NKAIN2: variants seen among roughly 807,000 people sequenced by gnomAD.
NKAIN2 encodes the protein sodium/potassium transporting ATPase interacting 2.
A neutral mutation model predicts 32.6 loss-of-function variants in NKAIN2; 14 were observed. The observed-to-expected ratio is 0.43, with a 90% CI of 0.28 to 0.67. NKAIN2 has a LOEUF of 0.67. NKAIN2 is among the 30% of genes least tolerant of loss of function. The pLI is 0.17. For synonymous variants in NKAIN2, 80 were observed against 87.2 expected (o/e 0.92, Z 0.46); for missense variants, 198 against 258.3 (o/e 0.77, Z 1.60).
chr6:124,594,362 T>A (rs1782010953), intron 3 of NKAIN2, among the ~76,000 whole-genome samples: 1 of 152,134 alleles, frequency 6.6e-6, no homozygotes, highest in Non-Finnish European at 1.5e-5. Context: ...TGATGAAACT[T>A]GGTAGACAGA....
At chr6:124,591,412 T>C (rs1017676669) in intron 3 of NKAIN2, among the ~76,000 whole-genome samples, 3 of 152,028 alleles carry the variant, frequency 2.0e-5, no homozygotes, top group Admixed American at 6.6e-5. Context: ...AAAATATGGA[T>C]TGAGAAACTG....
chr6:124,396,735 T>C (rs1218050544), intron 3 of NKAIN2, among the ~76,000 whole-genome samples: 2 of 152,176 alleles, frequency 1.3e-5, no homozygotes, highest in Non-Finnish European at 2.9e-5. Context: ...TAGAATTATG[T>C]GTGGGAGAGT....
chr6:124,215,686 G>T (rs752474287), intron 1 of NKAIN2, among the ~76,000 whole-genome samples: 1 of 152,064 alleles, frequency 6.6e-6, no homozygotes, highest in Non-Finnish European at 1.5e-5. Flanking sequence ...TGTGATAAAG[G>T]TGCCCTCACA....
Position 123,938,399 on chromosome 6 carries a change from TATATATATATATA to T in NKAIN2, c.54+134146_54+134158del, listed in dbSNP as rs1562267180. 7.9e-3 allele frequency among the ~76,000 whole-genome samples: 13 copies of T among 1,636 alleles called. No individual in the cohort carries two copies. The East Asian group carries it at 0.12, about 16-fold the overall frequency. 1.1% of individuals were successfully genotyped at this position (1,636 alleles called of 152,430 possible). ...AACCAGAACTCATTTGCAAGGGTTA[TATATATATATATA>T]TATATATATATATATATATATATAT... On this transcript the variant is annotated intron_variant, in intron 1 of 6. Transcript: ENST00000368417.
chr6:124,333,025 T>C (rs1490351179), intron 2 of NKAIN2, among the ~76,000 whole-genome samples: 2 of 152,136 alleles, frequency 1.3e-5, no homozygotes, highest in Non-Finnish European at 2.9e-5. Flanking sequence ...TAAATAAATA[T>C]TATTAACAAT....
chr6:123,931,616 A>G (rs371516772), intron 1 of NKAIN2, among the ~76,000 whole-genome samples: 1 of 152,028 alleles, frequency 6.6e-6, no homozygotes, highest in Non-Finnish European at 1.5e-5. Flanking sequence ...ACATTTCTTC[A>G]TGCTTCATCA....
chr6:124,605,284 AG>A (rs1480908255), intron 3 of NKAIN2, among the ~76,000 whole-genome samples: 1 of 152,042 alleles, frequency 6.6e-6, no homozygotes, highest in African/African-American at 2.4e-5. Flanking sequence ...GAGTTGTAAG[AG>A]GCATGATTAA....
At chr6:124,677,548 T>G (rs1021126607) in intron 4 of NKAIN2, among the ~76,000 whole-genome samples, 7 of 152,198 alleles carry the variant, frequency 4.6e-5, no homozygotes, top group Non-Finnish European at 7.3e-5. Flanking sequence ...AAACATCATA[T>G]AGGTAAAACA....
rs1023119890 is a variant in NKAIN2, at chr6:123,860,117, T to G, written c.54+55863T>G. Reference sequence around the variant, plus strand: ...GTGGAAGCACTTCTACTTGAAGCACTGAAAACACATCTACTCTCTAAAAGT... The same window carrying G: ...GTGGAAGCACTTCTACTTGAAGCACGGAAAACACATCTACTCTCTAAAAGT... On this transcript the variant is annotated intron_variant, in intron 1 of 6. Transcript: ENST00000368417. Among the ~76,000 whole-genome samples the G allele has an allele frequency of 3.3e-5, 5 of 152,172 alleles. No homozygotes were observed. In the East Asian group the frequency reaches 5.8e-4, roughly 18 times the overall value.
intron 1 of NKAIN2, among the ~76,000 whole-genome samples, chr6:124,060,191 A>G (rs1782861635): frequency 6.6e-6 from 1 of 152,130 alleles, no homozygotes; most frequent in Non-Finnish European, 1.5e-5. Flanking sequence ...GACAATCACA[A>G]TCACATTTGG....
chr6:124,100,658 C>G (rs996260160), intron 1 of NKAIN2, among the ~76,000 whole-genome samples: 1 of 152,192 alleles, frequency 6.6e-6, no homozygotes, highest in African/African-American at 2.4e-5. Context: ...ACATCTCTTG[C>G]TGCAATATGG....
chr6:124,529,641 G>A (rs1182335665), intron 3 of NKAIN2, among the ~76,000 whole-genome samples: 1 of 152,142 alleles, frequency 6.6e-6, no homozygotes, highest in Non-Finnish European at 1.5e-5. Flanking sequence ...CACCTGGCCC[G>A]AGGCTTAGGA....
In NKAIN2 at chr6:124,406,102, A is replaced by C. The variant is rs1194907741; in HGVS notation, c.273+50755A>C. On this transcript the variant is annotated intron_variant, in intron 3 of 6. Coordinates refer to ENST00000368417, the MANE Select transcript of NKAIN2 (RefSeq NM_001040214.3). ...ATAATTAACATACAATAAACTGTAC[A>C]TAAAGTGTAAAATTTGGTAAGTTTT... Among the ~76,000 whole-genome samples the C allele has an allele frequency of 2.6e-5, 4 of 152,064 alleles. 1 individual carries two copies. Among genetic ancestry groups the C allele is most frequent in the Admixed American group, 2.6e-4 (4 of 15,244 alleles).
At chr6:123,885,705 G>A (rs924960033) in intron 1 of NKAIN2, among the ~76,000 whole-genome samples, 22 of 151,976 alleles carry the variant, frequency 1.4e-4, no homozygotes, top group Non-Finnish European at 3.1e-4. Flanking sequence ...GAATTAGTGA[G>A]CTATATAAAA....
At chr6:123,864,301 A>G (rs1054490100) in intron 1 of NKAIN2, among the ~76,000 whole-genome samples, 2 of 152,192 alleles carry the variant, frequency 1.3e-5, no homozygotes. Flanking sequence ...GTAAAATTCA[A>G]TGATCTCGAC....
chr6:124,643,262 A>G (rs1034355579), intron 3 of NKAIN2, among the ~76,000 whole-genome samples: 4 of 152,162 alleles, frequency 2.6e-5, no homozygotes, highest in African/African-American at 9.7e-5. Flanking sequence ...GCTATTCTAT[A>G]CTACTACTAA....
chr6:124,471,592 G>C (rs1174635976), intron 3 of NKAIN2, among the ~76,000 whole-genome samples: 1 of 152,014 alleles, frequency 6.6e-6, no homozygotes, highest in Admixed American at 6.6e-5. Flanking sequence ...ATTAAGTACT[G>C]TGTCTAAATG....
rs540453671 is a variant in NKAIN2 at position 124,563,240 on chromosome 6, T to C, written c.274-94946T>C. Among the ~76,000 whole-genome samples, 7 of 152,278 alleles carry C rather than the reference T, an allele frequency of 4.6e-5. No individual in the cohort carries two copies. The South Asian group carries it at 1.4e-3, about 32-fold the overall frequency. ...TGCATAGAGTTACTGGCTTACACTT[T>C]GAGACTTCTGAACTCAACTCTGTAC... On this transcript the variant is annotated intron_variant, in intron 3 of 6. Transcript: ENST00000368417.
At chr6:124,513,364 A>G (rs537642069) in intron 3 of NKAIN2, among the ~76,000 whole-genome samples, 7 of 152,262 alleles carry the variant, frequency 4.6e-5, no homozygotes, top group African/African-American at 1.7e-4. Context: ...CATTTGGTAA[A>G]TGCAACAATA....
Sources: gnomAD v4.1 joint callset for allele counts (sites outside exome capture counted in the v4.1 genomes callset) on GRCh38, gnomAD v4.1.1 for gene constraint, MANE v1.5 for transcripts, NCBI Gene and HGNC (gene_info 2026-07-23, HGNC 2026-07-21) for gene names.